Variants in SYNJ2BP observed in about 807,000 individuals in gnomAD.
SYNJ2BP encodes the protein synaptojanin-2-binding protein.
A neutral mutation model predicts 16.9 loss-of-function variants in SYNJ2BP; 10 were observed. That is an observed-to-expected ratio of 0.59 (90% CI 0.36 to 1.00). The LOEUF is 1.00. SYNJ2BP is among the 50% of genes least tolerant of loss of function. The pLI is 0.01. For synonymous variants in SYNJ2BP, 54 were observed against 68.4 expected, an observed-to-expected ratio of 0.79 and a Z score of 1.04; for missense variants, 162 against 186.7, an observed-to-expected ratio of 0.87 and a Z score of 0.77.
Position 70,389,022 on chromosome 14 carries a change from G to A in SYNJ2BP, c.65-416C>T, listed in dbSNP as rs143065013. 2.9e-3 allele frequency among the ~76,000 whole-genome samples: 442 copies of A among 151,690 alleles called. 2 individuals are homozygous for A. Among genetic ancestry groups the A allele is most frequent in the African/African-American group, 0.01 (430 of 41,316 alleles). ...GTTCATAGCTCAGTTGCCCAGGCTG[G>A]TTATGAGCTCCTGGCCTCAAGCAAT... On this transcript the variant is annotated intron_variant, in intron 1 of 3. Coordinates refer to ENST00000256366, the MANE Select transcript of SYNJ2BP (RefSeq NM_018373.3).
At chr14:70,396,238 C>T (rs1169297156) in intron 1 of SYNJ2BP, among the ~76,000 whole-genome samples, 1 of 152,200 alleles carries the variant, frequency 6.6e-6, no homozygotes, top group Non-Finnish European at 1.5e-5. Flanking sequence ...CTGCCTCAGC[C>T]TCCTGAGTAA....
chr14:70,372,835 A>C lies in SYNJ2BP; in HGVS notation c.*156T>G. ...AATACCTTTACTTTCCCATTAGAATATGAAGAATTGGAGACTGTGAACAGC... is the reference window on the plus strand; with the variant it reads ...AATACCTTTACTTTCCCATTAGAATCTGAAGAATTGGAGACTGTGAACAGC... On this transcript the variant is annotated 3_prime_UTR_variant, in exon 4 of 4. Coordinates refer to ENST00000256366, the MANE Select transcript of SYNJ2BP (RefSeq NM_018373.3). The C allele has an allele frequency of 3.7e-6, 4 of 1,080,450 alleles. No homozygotes were observed. Among genetic ancestry groups the C allele is most frequent in the Admixed American group, 2.4e-5 (1 of 40,872 alleles). The allele number at this position is 1,080,450 out of a possible 1,614,324, so 66.9% of individuals were successfully genotyped here.
intron 2 of SYNJ2BP, among the ~76,000 whole-genome samples, chr14:70,380,346 T>G (rs1234711348): frequency 6.6e-6 from 1 of 152,216 alleles, no homozygotes; most frequent in Non-Finnish European, 1.5e-5. Flanking sequence ...TTAGTTTGTA[T>G]TTAATGTTAC....
chr14:70,399,045 G>A (rs977602486), intron 1 of SYNJ2BP, among the ~76,000 whole-genome samples: 7 of 152,118 alleles, frequency 4.6e-5, no homozygotes, highest in East Asian at 1.9e-4. Flanking sequence ...GCGGCCCCGC[G>A]GAGGCTGCTC....
In SYNJ2BP at chr14:70,370,313, T is replaced by C. The variant is rs1887490629; in HGVS notation, c.*2678A>G. 6.6e-6 allele frequency: 1 copy of C among 152,184 alleles called. No individual in the cohort carries two copies. The allele number at this position is 152,184 out of a possible 1,614,324, so 9.4% of individuals were successfully genotyped here. On this transcript the variant is annotated 3_prime_UTR_variant, in exon 4 of 4. Transcript: ENST00000256366. The stretch of plus-strand genomic sequence containing the variant: ...TCCTGGGAGGTAAGCAAGCTTGCTG[T>C]AGAAGCCGCTGTACATGCCTTCAGG...
chr14:70,410,301 G>A (rs1888443399), intron 1 of SYNJ2BP, among the ~76,000 whole-genome samples: 1 of 152,156 alleles, frequency 6.6e-6, no homozygotes, highest in Non-Finnish European at 1.5e-5. Flanking sequence ...ACACACACCT[G>A]TAGTCCCAGC....
chr14:70,380,910 A>T (rs561502235), intron 2 of SYNJ2BP, among the ~76,000 whole-genome samples: 1 of 152,278 alleles, frequency 6.6e-6, no homozygotes, highest in African/African-American at 2.4e-5. Flanking sequence ...GTCCAAATTG[A>T]ACTCTGCCTG....
chr14:70,416,761 G>A (rs1888619108), intron 1 of SYNJ2BP, 139 bp downstream of exon 1: 1 of 1,253,492 alleles, frequency 8.0e-7, no homozygotes. Flanking sequence ...TTTTCTCTAA[G>A]CACCCCGAAG....
In SYNJ2BP at chr14:70,392,552, G is replaced by T. The variant is rs544813589; in HGVS notation, c.65-3946C>A. 8.5e-5 allele frequency among the ~76,000 whole-genome samples: 13 copies of T among 152,294 alleles called. No homozygotes were observed. The East Asian group carries it at 2.5e-3, about 29-fold the overall frequency. ...GCTCTATTGGGATAAGGCGCTAGGA[G>T]TAGTTGTCAATAAACTAATGGCTGC... On this transcript the variant is annotated intron_variant, in intron 1 of 3. Transcript: ENST00000256366.
At chr14:70,376,813 C>T (rs1887640677) in intron 2 of SYNJ2BP, among the ~76,000 whole-genome samples, 1 of 152,206 alleles carries the variant, frequency 6.6e-6, no homozygotes, top group Admixed American at 6.5e-5. Context: ...ACTGTTCCTT[C>T]TGCACTGTTA....
intron 3 of SYNJ2BP, among the ~76,000 whole-genome samples, chr14:70,375,052 A>C (rs1322663822): frequency 1.3e-5 from 2 of 149,878 alleles, no homozygotes; most frequent in African/African-American, 4.9e-5. Flanking sequence ...CAAAGTGCTA[A>C]GAGTACAGAT....
intron 1 of SYNJ2BP, among the ~76,000 whole-genome samples, chr14:70,401,902 C>T (rs765552623): frequency 3.3e-5 from 5 of 152,066 alleles, no homozygotes; most frequent in Non-Finnish European, 5.9e-5. Context: ...CTACCACCTC[C>T]GCCTCCCAAA....
rs772274741 is a variant in SYNJ2BP, at chr14:70,416,959, T to C, written c.5A>G (p.Asn2Ser). The change falls in exon 1 of 4, where the codon AAC becomes AGC. Residue 2 changes from asparagine to serine, a missense_variant. By Grantham distance (46) the Asn-to-Ser change is conservative. Coordinates refer to ENST00000256366, the MANE Select transcript of SYNJ2BP (RefSeq NM_018373.3). The stretch of plus-strand genomic sequence containing the variant: ...AGTGACCAAATAATCCACTCTTCCG[T>C]TCATGTTTTACAGCTCGTCTGGCTT... M[N>S]GRVDYLVTEE... 56 of 1,614,060 alleles carry C rather than the reference T, an allele frequency of 3.5e-5. No homozygotes were observed. The highest frequency in any genetic ancestry group is 4.7e-5 in the Non-Finnish European group (55 of 1,180,040).
In SYNJ2BP at chr14:70,372,665, A is replaced by C; in HGVS notation, c.*326T>G. ...AGCTGGCCTTTATGGCATGCCAGCT[A>C]AGAAAAAAGGTATTGCCTATGGTGA... On this transcript the variant is annotated 3_prime_UTR_variant, in exon 4 of 4. Transcript: ENST00000256366. 5.0e-6 allele frequency: 1 copy of C among 200,774 alleles called. No individual in the cohort carries two copies. Among genetic ancestry groups the C allele is most frequent in the African/African-American group, 2.3e-5 (1 of 43,364 alleles). The allele number at this position is 200,774 out of a possible 1,614,324, so 12.4% of individuals were successfully genotyped here. A position where few individuals can be genotyped will look rare whatever the true frequency, so the allele number is the denominator to read the frequency against.
chr14:70,398,810 C>T (rs1296127438), intron 1 of SYNJ2BP, among the ~76,000 whole-genome samples: 14 of 152,124 alleles, frequency 9.2e-5, no homozygotes, highest in African/African-American at 3.4e-4. Flanking sequence ...CTCATTGGGC[C>T]GGGGCAAATA....
chr14:70,377,386 T>G (rs1034693555), intron 2 of SYNJ2BP, among the ~76,000 whole-genome samples: 5 of 152,196 alleles, frequency 3.3e-5, no homozygotes, highest in Non-Finnish European at 5.9e-5. Context: ...TTCTCCACCA[T>G]AGACCCATAC....
rs1887497745 is a variant in SYNJ2BP at position 70,370,571 on chromosome 14, CA to C, written c.*2419del. On this transcript the variant is annotated 3_prime_UTR_variant, in exon 4 of 4. Coordinates refer to ENST00000256366, the MANE Select transcript of SYNJ2BP (RefSeq NM_018373.3). ...AAGGTCTTACCGGACCTCTTATTTT[CA>C]AAAGCCTTCCCTTTCCAATTGAGCC... 6.6e-6 allele frequency: 1 copy of C among 152,194 alleles called. No homozygotes were observed. The highest frequency in any genetic ancestry group is 1.5e-5 in the Non-Finnish European group (1 of 68,044). The allele number at this position is 152,194 out of a possible 1,614,324, so 9.4% of individuals were successfully genotyped here.
At chr14:70,393,188 G>A (rs1425847191) in intron 1 of SYNJ2BP, among the ~76,000 whole-genome samples, 1 of 152,096 alleles carries the variant, frequency 6.6e-6, no homozygotes, top group Non-Finnish European at 1.5e-5. Flanking sequence ...ACATTTATAC[G>A]GCCAACAACA....
intron 3 of SYNJ2BP, among the ~76,000 whole-genome samples, chr14:70,374,629 G>C (rs564651252): frequency 6.1e-4 from 93 of 152,272 alleles, no homozygotes; most frequent in African/African-American, 2.1e-3. Flanking sequence ...GATAGGTGCT[G>C]CCTTGACTGA....
Sources: gnomAD v4.1 joint callset for allele counts (sites outside exome capture counted in the v4.1 genomes callset) on GRCh38, gnomAD v4.1.1 for gene constraint, MANE v1.5 for transcripts, NCBI Gene and HGNC (gene_info 2026-07-23, HGNC 2026-07-21) for gene names.